The following MCPH1 variants were observed in gnomAD, a reference collection of about 807,000 sequenced individuals.
MCPH1 encodes the protein microcephalin.
Under a neutral mutation model 84.5 loss-of-function variants are expected in MCPH1, and 104 were observed. That is an observed-to-expected ratio of 1.23 (90% CI 1.05 to 1.45). The LOEUF (loss-of-function observed/expected upper bound fraction) is 1.45, where lower values mean the gene tolerates loss of function less well. MCPH1 is among the 40% of genes most tolerant of loss of function. The probability of loss-of-function intolerance (pLI) is 0.00; values close to 1 mark genes in which losing one functional copy is unlikely to be tolerated. For synonymous variants in MCPH1, 514 were observed against 366.8 expected (o/e 1.40, Z -4.58); for missense variants, 1,498 against 1,005.7 (o/e 1.49, Z -6.62).
chr8:6,443,330 G>A (rs949421577), intron 7 of MCPH1, among the ~76,000 whole-genome samples: 7 of 150,552 alleles, frequency 4.6e-5, no homozygotes, highest in Non-Finnish European at 1.0e-4. Context: ...TTTAGGTGCT[G>A]AATAAGATAT....
chr8:6,624,264 C>T (rs1831826904), intron 13 of MCPH1, among the ~76,000 whole-genome samples: 1 of 152,256 alleles, frequency 6.6e-6, no homozygotes, highest in Admixed American at 6.5e-5. Flanking sequence ...CCTCCTGTAA[C>T]TTGTGTCCTG....
intron 9 of MCPH1, among the ~76,000 whole-genome samples, chr8:6,461,001 T>G (rs1422099492): frequency 1.3e-5 from 2 of 152,160 alleles, no homozygotes; most frequent in Admixed American, 6.5e-5. Flanking sequence ...CTTTTCTAAA[T>G]AGAGTTTTGG....
intron 3 of MCPH1, among the ~76,000 whole-genome samples, chr8:6,419,682 A>G (rs1799882382): frequency 6.6e-6 from 1 of 151,884 alleles, no homozygotes; most frequent in South Asian, 2.1e-4. Context: ...CCGGCATTAA[A>G]GAATTTTTTT....
chr8:6,599,058 A>G (rs1490454521), intron 12 of MCPH1, among the ~76,000 whole-genome samples: 1 of 152,218 alleles, frequency 6.6e-6, no homozygotes, highest in East Asian at 1.9e-4. Flanking sequence ...GGGGCTCTTA[A>G]AAGTCCTGAT....
Position 6,619,701 on chromosome 8 carries a change from C to T in MCPH1, c.2215-1753C>T, listed in dbSNP as rs546816465. Among the ~76,000 whole-genome samples, 25 of 152,298 alleles carry T rather than the reference C, an allele frequency of 1.6e-4. No individual in the cohort carries two copies. The East Asian group carries it at 4.8e-3, about 29-fold the overall frequency. The stretch of plus-strand genomic sequence containing the variant: ...CCGGGTTCACACCATTCTCCTGCCT[C>T]AGCCTCCCGAGTAGCTGGGACTACA... On this transcript the variant is annotated intron_variant, in intron 12 of 13. Coordinates refer to ENST00000344683, the MANE Select transcript of MCPH1 (RefSeq NM_024596.5).
intron 13 of MCPH1, chr8:6,625,648 T>C (rs1318562844): frequency 1.0e-6 from 1 of 985,300 alleles, no homozygotes; most frequent in East Asian, 1.1e-4. Flanking sequence ...TAGAGTAATT[T>C]GAGCCGGGCG....
At chr8:6,629,036 G>A (rs1418698292) in intron 13 of MCPH1, among the ~76,000 whole-genome samples, 1 of 152,200 alleles carries the variant, frequency 6.6e-6, no homozygotes, top group Non-Finnish European at 1.5e-5. Context: ...TGTCTCCCCA[G>A]AATTCATAGG....
At chr8:6,499,648 G>C (rs1005659878) in intron 11 of MCPH1, 1 of 534,576 alleles carries the variant, frequency 1.9e-6, no homozygotes, top group Non-Finnish European at 3.3e-6. Flanking sequence ...GTTATCGTGA[G>C]ACTTTTTCTC....
At position 6,512,427 on chromosome 8, in the gene MCPH1, G is replaced by C. The variant is rs530197468; in HGVS notation, c.2214+12498G>C. ...ATGAAGACGAGACTGTAGGTCAGAT[G>C]ATGACTGTTTTTGTGATGTTCGTGT... On this transcript the variant is annotated intron_variant, in intron 12 of 13. Transcript: ENST00000344683. 3.3e-5 allele frequency among the ~76,000 whole-genome samples: 5 copies of C among 152,278 alleles called. No homozygotes were observed. The East Asian group carries it at 7.7e-4, about 24-fold the overall frequency.
At chr8:6,470,022 G>T (rs905209914) in intron 9 of MCPH1, among the ~76,000 whole-genome samples, 2 of 152,266 alleles carry the variant, frequency 1.3e-5, no homozygotes, top group African/African-American at 4.8e-5. Flanking sequence ...TTAAGGAAAA[G>T]AATCCTGCAT....
At chr8:6,508,898 C>T (rs2129565827) in intron 12 of MCPH1, 2 of 1,613,800 alleles carry the variant, frequency 1.2e-6, no homozygotes, top group South Asian at 2.2e-5. Context: ...CATTCCTTGC[C>T]AATACAAATA....
At chr8:6,639,636 C>A (rs1230325393) in intron 13 of MCPH1, among the ~76,000 whole-genome samples, 2 of 150,066 alleles carry the variant, frequency 1.3e-5, no homozygotes, top group Non-Finnish European at 2.9e-5. Flanking sequence ...GCACTCCAGT[C>A]TGGGCAATGG....
Position 6,477,726 on chromosome 8 carries a change from G to T in MCPH1, c.1973+95G>T, listed in dbSNP as rs557977285. The T allele has an allele frequency of 2.2e-5, 20 of 910,368 alleles. No homozygotes were observed. The East Asian group carries it at 3.6e-4, about 16-fold the overall frequency. 56.4% of individuals were successfully genotyped at this position (910,368 alleles called of 1,614,324 possible). ...GTGCCTTTAGGCAACTTGTCAATCT[G>T]TCCTGTATCACTTTTACTTTATAAA... On this transcript the variant is annotated intron_variant, in intron 10 of 13. Transcript: ENST00000344683.
At chr8:6,552,732 C>T (rs377267876) in intron 12 of MCPH1, among the ~76,000 whole-genome samples, 4 of 151,922 alleles carry the variant, frequency 2.6e-5, no homozygotes, top group South Asian at 2.1e-4. Flanking sequence ...AAACTGGTAC[C>T]GTTTCTGAAG....
At chr8:6,543,913 C>T (rs926507382) in intron 12 of MCPH1, among the ~76,000 whole-genome samples, 7 of 152,102 alleles carry the variant, frequency 4.6e-5, no homozygotes, top group African/African-American at 1.7e-4. Flanking sequence ...TTATAACTCA[C>T]ATTAGAAACA....
chr8:6,446,543 A>G (rs545973018), intron 8 of MCPH1: 65 of 983,416 alleles, frequency 6.6e-5, no homozygotes, highest in Non-Finnish European at 7.6e-5. Flanking sequence ...TTCTGAACAT[A>G]TATTAAATTT....
intron 11 of MCPH1, among the ~76,000 whole-genome samples, chr8:6,482,763 A>C (rs1346342594): frequency 1.3e-5 from 2 of 152,154 alleles, no homozygotes; most frequent in Non-Finnish European, 2.9e-5. Context: ...AACTGGGTGA[A>C]ATTTTAGGTT....
intron 13 of MCPH1, among the ~76,000 whole-genome samples, chr8:6,636,603 C>T (rs1470761214): frequency 2.6e-5 from 4 of 152,174 alleles, no homozygotes; most frequent in East Asian, 1.9e-4. Context: ...CCTCAGCCTC[C>T]GTTGTAGCTG....
chr8:6,632,159 G>C (rs896426700), intron 13 of MCPH1, among the ~76,000 whole-genome samples: 1 of 152,332 alleles, frequency 6.6e-6, no homozygotes. Flanking sequence ...AACTATAGTT[G>C]AATTACCAAG....
Sources: allele counts gnomAD v4.1 joint callset (sites outside exome capture counted in the v4.1 genomes callset), GRCh38; gene constraint gnomAD v4.1.1; transcripts MANE v1.5; gene names NCBI Gene and HGNC (gene_info 2026-07-23, HGNC 2026-07-21).